Variants in CEP295 observed in about 807,000 individuals in gnomAD.
CEP295 encodes the protein centrosomal protein 295.
Under a neutral mutation model 291.6 loss-of-function variants are expected in CEP295, and 190 were observed. The observed-to-expected ratio is 0.65, with a 90% CI of 0.58 to 0.73. CEP295 has a LOEUF of 0.73. CEP295 is among the 30% of genes least tolerant of loss of function. The probability of loss-of-function intolerance (pLI) is 0.00; values close to 1 mark genes in which losing one functional copy is unlikely to be tolerated. For synonymous variants in CEP295, 993 were observed against 1,038.8 expected (o/e 0.96, Z 0.85); for missense variants, 2,863 against 2,949.4 (o/e 0.97, Z 0.68).
chr11:93,679,645 A>G, intron 7 of CEP295, 93 bp downstream of exon 7: 2 of 1,079,266 alleles, frequency 1.9e-6, no homozygotes, highest in Non-Finnish European at 2.6e-6. Flanking sequence ...AAAGGTAGGA[A>G]GGGTGGGTGT....
At chr11:93,684,255 T>A in intron 9 of CEP295, 127 bp downstream of exon 9, 1 of 663,084 alleles carries the variant, frequency 1.5e-6, no homozygotes, top group Non-Finnish European at 2.5e-6. Context: ...ATGGGAGCAG[T>A]AGCTAAAGGA....
chr11:93,703,949 T>C (rs1952354654), intron 17 of CEP295, among the ~76,000 whole-genome samples: 1 of 151,996 alleles, frequency 6.6e-6, no homozygotes, highest in African/African-American at 2.4e-5. Context: ...TTTTATATTT[T>C]TAGTAGAGAC....
intron 22 of CEP295, 21 bp downstream of exon 22, chr11:93,724,396 C>T: frequency 6.5e-7 from 1 of 1,541,480 alleles, no homozygotes; most frequent in Non-Finnish European, 8.8e-7. Context: ...GTAGATGTCC[C>T]ATTGCAGTGA....
chr11:93,678,775 G>C (rs1345751161), intron 6 of CEP295, among the ~76,000 whole-genome samples: 7 of 151,986 alleles, frequency 4.6e-5, no homozygotes, highest in Admixed American at 4.6e-4. Context: ...TCCAGACTCT[G>C]TGCCTCTTTC....
In CEP295 at chr11:93,727,185, TCA is replaced by T; in HGVS notation, c.6710_6711del (p.Ser2237CysfsTer6). On this transcript the variant is annotated frameshift_variant, in exon 24 of 30. Coordinates refer to ENST00000325212, the MANE Select transcript of CEP295 (RefSeq NM_033395.2). LOFTEE classifies it high-confidence loss of function. Reference sequence around the variant, plus strand: ...CCAGCTTTCTATAGGAAACTTAAGTTCAGTCTACAGTTCATCTGATGAAGCTA... The same window carrying T: ...CCAGCTTTCTATAGGAAACTTAAGTTGTCTACAGTTCATCTGATGAAGCTA... ...HFQLSIGNLS[S>X]VYSSSDEANV... 6.4e-7 allele frequency: 1 copy of T among 1,550,958 alleles called. No individual in the cohort carries two copies. The highest frequency in any genetic ancestry group is 8.7e-7 in the Non-Finnish European group (1 of 1,146,666).
At chr11:93,670,213 CTTATT>C (rs1447945506) in intron 5 of CEP295, among the ~76,000 whole-genome samples, 1 of 151,802 alleles carries the variant, frequency 6.6e-6, no homozygotes, top group African/African-American at 2.4e-5. Flanking sequence ...CTGAATTTGG[CTTATT>C]TTAAATGGTC....
chr11:93,729,901 TAA>T lies in CEP295; in HGVS notation c.7601_7602del (p.Lys2534SerfsTer7), dbSNP rs1224973685. 1 of 1,550,346 alleles carries T rather than the reference TAA, an allele frequency of 6.5e-7. No homozygotes were observed. Among genetic ancestry groups the T allele is most frequent in the Non-Finnish European group, 8.7e-7 (1 of 1,146,700 alleles). ...SSVSRLKGVNKVRASFPEDRK... is the reference protein window; with the variant it reads ...SSVSRLKGVNXVRASFPEDRK... ...CTGTGAGTCGTCTAAAGGGCGTGAA[TAA>T]AGTCAGAGCATCTTTTCCTGAAGAC... On this transcript the variant is annotated frameshift_variant, in exon 28 of 30. Coordinates refer to ENST00000325212, the MANE Select transcript of CEP295 (RefSeq NM_033395.2). LOFTEE classifies it high-confidence loss of function.
At chr11:93,691,103 T>G (rs548922317) in intron 10 of CEP295, among the ~76,000 whole-genome samples, 67 of 152,366 alleles carry the variant, frequency 4.4e-4, no homozygotes, top group African/African-American at 1.6e-3. Flanking sequence ...TTTTCTGGGA[T>G]AATTATAAGA....
chr11:93,697,961 A>G lies in CEP295; in HGVS notation c.3049A>G (p.Ile1017Val). 6.4e-7 allele frequency: 1 copy of G among 1,551,716 alleles called. No homozygotes were observed. Residue 1017 changes from isoleucine (I) to valine (V), a missense_variant, in exon 15 of 30, where the codon ATA becomes GTA. Ile to Val is a conservative substitution (Grantham distance 29). This residue lies in a region of CEP295 where 2,295 missense variants were observed against 2,335.7 expected (regional missense o/e 0.98). Coordinates refer to ENST00000325212, the MANE Select transcript of CEP295 (RefSeq NM_033395.2). The part of the protein sequence containing the change: ...LPSADTKSGK[I>V]QEQHSSKSEK... ...ATCTGCTGATACAAAATCTGGAAAA[A>G]TACAGGAGCAACATTCATCTAAGAG...
Position 93,667,778 on chromosome 11 carries a change from G to A in CEP295, c.280G>A (p.Gly94Arg). 6.4e-7 allele frequency: 1 copy of A among 1,551,210 alleles called. No homozygotes were observed. Among genetic ancestry groups the A allele is most frequent in the Non-Finnish European group, 8.7e-7 (1 of 1,146,742 alleles). The stretch of plus-strand genomic sequence containing the variant: ...GTATTTGGCAAGTTTAAGAAGTATG[G>A]GAGAGGGACATCGACAGGCCAAAGA... Reference protein sequence around the residue: ...KLYLASLRSMGEGHRQAKENE... With the variant: ...KLYLASLRSMREGHRQAKENE... Residue 94 changes from glycine to arginine, a missense_variant, in exon 3 of 30, where the codon GGA becomes AGA. Gly to Arg is a moderately radical substitution (Grantham distance 125). Transcript: ENST00000325212.
chr11:93,662,031 C>T (rs930569693), intron 1 of CEP295, among the ~76,000 whole-genome samples: 2 of 152,144 alleles, frequency 1.3e-5, no homozygotes, highest in Non-Finnish European at 2.9e-5. Context: ...GGTCGGGTCG[C>T]GCGAGCTTCC....
Position 93,697,486 on chromosome 11 carries a change from G to A in CEP295, c.2574G>A (p.Lys858=). 9 of 1,551,952 alleles carry A rather than the reference G, an allele frequency of 5.8e-6. No individual in the cohort carries two copies. The South Asian group carries it at 1.1e-4, about 18-fold the overall frequency. Residue 858 remains lysine (K), a synonymous_variant, in exon 15 of 30, where the codon AAG becomes AAA. Transcript: ENST00000325212. ...KALQEQLDLQ[K]KVLQATQEAQ... ...TCCAAGAACAGTTAGACCTACAGAA[G>A]AAAGTTCTTCAGGCAACTCAGGAAG...
At chr11:93,711,831 T>G (rs890753865) in intron 18 of CEP295, among the ~76,000 whole-genome samples, 15 of 151,982 alleles carry the variant, frequency 9.9e-5, no homozygotes, top group African/African-American at 2.2e-4. Context: ...TGTTTGTTTT[T>G]TTTTTTTTAA....
chr11:93,722,864 C>G, intron 20 of CEP295, 177 bp from the exon 21 acceptor site: 1 of 500,904 alleles, frequency 2.0e-6, no homozygotes, highest in Non-Finnish European at 3.6e-6. Context: ...GTGTGCGCCA[C>G]CACGCCCAGC....
rs1445532487 is a variant in CEP295 at position 93,729,930 on chromosome 11, G to C, written c.7628G>C (p.Arg2543Thr). ...NKVRASFPED[R>T]KTTQALRHQR... ...GTCAGAGCATCTTTTCCTGAAGACA[G>C]AAAGACTACACAGGCTCTAAGGCAC... The change falls in exon 28 of 30, where the codon AGA (arginine) becomes ACA (threonine). Residue 2543 changes from arginine to threonine, a missense_variant. Arg to Thr is a moderately conservative substitution (Grantham distance 71). Coordinates refer to ENST00000325212, the MANE Select transcript of CEP295 (RefSeq NM_033395.2). 6.5e-7 allele frequency: 1 copy of C among 1,549,174 alleles called. No individual in the cohort carries two copies. Among genetic ancestry groups the C allele is most frequent in the African/African-American group, 1.4e-5 (1 of 72,740 alleles).
At chr11:93,673,491 TTTTTTTA>T (rs1950544339) in intron 5 of CEP295, among the ~76,000 whole-genome samples, 1 of 152,096 alleles carries the variant, frequency 6.6e-6, no homozygotes, top group Non-Finnish European at 1.5e-5. Flanking sequence ...TGTGCAGCTT[TTTTTTTA>T]TTTTTTATTT....
chr11:93,668,924 A>G lies in CEP295; in HGVS notation c.426A>G (p.Gln142=). The G allele has an allele frequency of 8.5e-7, 1 of 1,177,406 alleles. No individual in the cohort carries two copies. The highest frequency in any genetic ancestry group is 2.6e-5 in the East Asian group (1 of 39,028). 72.9% of individuals were successfully genotyped at this position (1,177,406 alleles called of 1,614,324 possible). Residue 142 remains glutamine (Q), a synonymous_variant, in exon 4 of 30, where the codon CAA becomes CAG. Coordinates refer to ENST00000325212, the MANE Select transcript of CEP295 (RefSeq NM_033395.2). ...QKNQKEILLK[Q]KTWHIKARKE... ...ATCAAAAAGAAATATTACTGAAACA[A>G]AAAACCTGGTAAAGTAATAATTTTT... is the stretch of plus-strand genomic sequence containing the variant.
chr11:93,666,923 A>G (rs1167807229), intron 2 of CEP295, 108 bp downstream of exon 2: 2 of 611,458 alleles, frequency 3.3e-6, no homozygotes, highest in African/African-American at 1.8e-5. Flanking sequence ...TCTTCTGGGT[A>G]TACGAGAGCC....
At chr11:93,721,018 C>T (rs1953675025) in intron 18 of CEP295, among the ~76,000 whole-genome samples, 1 of 152,206 alleles carries the variant, frequency 6.6e-6, no homozygotes, top group Non-Finnish European at 1.5e-5. Flanking sequence ...TTTCTCATCA[C>T]ACTGGTTCTT....
Sources: allele counts gnomAD v4.1 joint callset (sites outside exome capture counted in the v4.1 genomes callset), GRCh38; gene constraint gnomAD v4.1.1; regional missense constraint gnomAD v4.1.1; transcripts MANE v1.5; gene names NCBI Gene and HGNC (gene_info 2026-07-23, HGNC 2026-07-21).